Variants in ALK observed in about 807,000 individuals in gnomAD.
ALK encodes ALK receptor tyrosine kinase, also known as ALK tyrosine kinase receptor.
In ALK, 74 loss-of-function variants were observed where a neutral mutation model predicts 163.1. The observed-to-expected ratio is 0.45, with a 90% CI of 0.38 to 0.55. ALK has a LOEUF of 0.55. ALK is among the 20% of genes least tolerant of loss of function. ALK has a pLI of 0.00. For missense variants in ALK, 2,063 were observed against 2,105.3 expected (o/e 0.98, Z 0.39); for synonymous variants, 960 against 843.2 (o/e 1.14, Z -2.40).
rs137961125 is a variant in ALK, at chr2:29,362,119, C to T, written c.1282+21613G>A. ...GGATGGAAAGTGAAAGGGAGGGCTC[C>T]GGAATGGATTGATGGGTGGTGGGCA... On this transcript the variant is annotated intron_variant, in intron 5 of 28. Transcript: ENST00000389048. Among the ~76,000 whole-genome samples the T allele has an allele frequency of 1.8e-4, 28 of 152,010 alleles. No individual in the cohort carries two copies. The East Asian group carries it at 2.3e-3, about 13-fold the overall frequency.
In ALK at chr2:29,694,950, C is replaced by T; in HGVS notation, c.852G>A (p.Arg284=). ...TGCGGCGCCAGGACCAGCTCTGGTT[C>T]CTGAGGTCATGCAGTGGAGGGGAAT... The part of the protein sequence containing the change: ...LEYSPPLHDL[R]NQSWSWRRIP... Residue 284 remains arginine (R), a synonymous_variant, in exon 3 of 29, where the codon AGG becomes AGA. Transcript: ENST00000389048. 1 of 1,614,086 alleles carries T rather than the reference C, an allele frequency of 6.2e-7. No individual in the cohort carries two copies. The highest frequency in any genetic ancestry group is 8.5e-7 in the Non-Finnish European group (1 of 1,179,990).
At chr2:29,709,414 A>T (rs1453204730) in intron 2 of ALK, among the ~76,000 whole-genome samples, 1 of 152,174 alleles carries the variant, frequency 6.6e-6, no homozygotes, top group Non-Finnish European at 1.5e-5. Flanking sequence ...TTTGCTCCTC[A>T]TTTGTCCCTG....
intron 11 of ALK, among the ~76,000 whole-genome samples, chr2:29,271,641 C>CGATGG (rs915830107): frequency 7.2e-5 from 11 of 152,226 alleles, no homozygotes; most frequent in African/African-American, 2.4e-4. Flanking sequence ...AGACTTGCCC[C>CGATGG]GATGGGAGGA....
At chr2:29,679,728 A>G (rs1678004290) in intron 3 of ALK, among the ~76,000 whole-genome samples, 1 of 75,764 alleles carries the variant, frequency 1.3e-5, no homozygotes, top group African/African-American at 2.9e-5. Context: ...TAAGAGAAGA[A>G]TAAGAAAAAG....
rs1668909621 is a variant in ALK at position 29,193,015 on chromosome 2, T to TGTATTTATCACTC, written c.*208_*209insGAGTGATAAATAC. ...TTGTATTTATCACTCATTTTTATGA[T>TGTATTTATCACTC]ATTTTCTTCTTTCGAAAGAATAGGA... On this transcript the variant is annotated 3_prime_UTR_variant, in exon 29 of 29. Coordinates refer to ENST00000389048, the MANE Select transcript of ALK (RefSeq NM_004304.5). 3.3e-6 allele frequency: 2 copies of TGTATTTATCACTC among 597,722 alleles called. No homozygotes were observed. Among genetic ancestry groups the TGTATTTATCACTC allele is most frequent in the Admixed American group, 2.9e-5 (1 of 34,262 alleles). The allele number at this position is 597,722 out of a possible 1,614,324, so 37.0% of individuals were successfully genotyped here.
rs563671712 is a variant in ALK at position 29,215,692 on chromosome 2, G to C, written c.3646-1611C>G. ...AAAATGGAAGAGAGAGTGCCTGAAG[G>C]GGGTTGGAGCGTATGTATGTGACTA... is the stretch of plus-strand genomic sequence containing the variant. On this transcript the variant is annotated intron_variant, in intron 23 of 28. Coordinates refer to ENST00000389048, the MANE Select transcript of ALK (RefSeq NM_004304.5). 3.9e-4 allele frequency among the ~76,000 whole-genome samples: 12 copies of C among 31,060 alleles called. No homozygotes were observed. In the South Asian group the frequency reaches 0.015, roughly 38 times the overall value. 20.4% of individuals were successfully genotyped at this position (31,060 alleles called of 152,430 possible).
intron 4 of ALK, among the ~76,000 whole-genome samples, chr2:29,524,419 G>A (rs79680772): frequency 0.01 from 1,583 of 152,292 alleles, 29 homozygotes; most frequent in African/African-American, 0.036. Context: ...GGCTTTCTTG[G>A]GAAAACAACA....
At chr2:29,652,555 C>G (rs1677065392) in intron 3 of ALK, among the ~76,000 whole-genome samples, 1 of 152,094 alleles carries the variant, frequency 6.6e-6, no homozygotes, top group Non-Finnish European at 1.5e-5. Flanking sequence ...TGACTGGCAG[C>G]CCCTAGGTAG....
chr2:29,564,741 CAGG>C (rs756762685), intron 3 of ALK, among the ~76,000 whole-genome samples: 16 of 152,188 alleles, frequency 1.1e-4, no homozygotes, highest in Non-Finnish European at 1.9e-4. Context: ...GGGGGTATCT[CAGG>C]TTCCACTCAG....
chr2:29,555,562 C>T (rs1673830339), intron 3 of ALK, among the ~76,000 whole-genome samples: 3 of 152,206 alleles, frequency 2.0e-5, no homozygotes, highest in Admixed American at 2.0e-4. Flanking sequence ...CTGCCCTCCA[C>T]CTTTCTCTCC....
chr2:29,670,577 T>C (rs1677652762), intron 3 of ALK, among the ~76,000 whole-genome samples: 1 of 152,098 alleles, frequency 6.6e-6, no homozygotes, highest in African/African-American at 2.4e-5. Context: ...CTGCTATTAT[T>C]TCTTCGAATA....
At chr2:29,209,102 A>G (rs1025554432) in intron 25 of ALK, among the ~76,000 whole-genome samples, 3 of 148,498 alleles carry the variant, frequency 2.0e-5, no homozygotes, top group Non-Finnish European at 4.4e-5. Context: ...TAGAAGCCAT[A>G]GCCACTTAGA....
At chr2:29,387,397 A>T (rs2148304457) in intron 4 of ALK, among the ~76,000 whole-genome samples, 1 of 152,286 alleles carries the variant, frequency 6.6e-6, no homozygotes, top group South Asian at 2.1e-4. Context: ...TATAATGAGT[A>T]TGTTAGAGTC....
chr2:29,876,171 G>A (rs1427316719), intron 1 of ALK, among the ~76,000 whole-genome samples: 1 of 152,222 alleles, frequency 6.6e-6, no homozygotes, highest in Non-Finnish European at 1.5e-5. Flanking sequence ...ATAAAATGGG[G>A]ATAATACTCT....
intron 1 of ALK, among the ~76,000 whole-genome samples, chr2:29,789,344 C>G (rs1355406595): frequency 6.6e-6 from 1 of 152,002 alleles, no homozygotes; most frequent in African/African-American, 2.4e-5. Context: ...GAGTAATGAC[C>G]ACACTTAGCC....
At chr2:29,255,111 T>C (rs1326864668) in intron 11 of ALK, among the ~76,000 whole-genome samples, 1 of 152,248 alleles carries the variant, frequency 6.6e-6, no homozygotes, top group African/African-American at 2.4e-5. Context: ...CTGCCTTGGA[T>C]GGCTCTGACC....
chr2:29,196,827 CTGA>C lies in ALK; in HGVS notation c.4104_4106del (p.His1368del). ...TGGCAAAGTTGGGCCTGTCTTCAGGCTGATGTTGCCAGCACTGAGTCATTATCC... is the reference window on the plus strand; with the variant it reads ...TGGCAAAGTTGGGCCTGTCTTCAGGCTGTTGCCAGCACTGAGTCATTATCC... On this transcript the variant is annotated inframe_deletion, in exon 28 of 29. Transcript: ENST00000389048. 1 of 1,614,102 alleles carries C rather than the reference CTGA, an allele frequency of 6.2e-7. No individual in the cohort carries two copies. The highest frequency in any genetic ancestry group is 8.5e-7 in the Non-Finnish European group (1 of 1,179,936).
At chr2:29,804,168 A>T (rs1248088483) in intron 1 of ALK, among the ~76,000 whole-genome samples, 1 of 152,246 alleles carries the variant, frequency 6.6e-6, no homozygotes. Context: ...CATTTTCAGA[A>T]CAGTAATCTC....
intron 11 of ALK, among the ~76,000 whole-genome samples, chr2:29,257,044 T>C (rs1219489396): frequency 6.6e-6 from 1 of 152,180 alleles, no homozygotes; most frequent in Non-Finnish European, 1.5e-5. Flanking sequence ...GCTGGCTTGA[T>C]GCTGAGCAGA....
Sources: allele counts gnomAD v4.1 joint callset (sites outside exome capture counted in the v4.1 genomes callset), GRCh38; gene constraint gnomAD v4.1.1; transcripts MANE v1.5; gene names NCBI Gene and HGNC (gene_info 2026-07-23, HGNC 2026-07-21).